The following CARMIL1 variants were observed in gnomAD, a reference collection of about 807,000 sequenced individuals.
CARMIL1 encodes the protein F-actin-uncapping protein LRRC16A.
CARMIL1 carries 90 observed loss-of-function variants against 177.1 expected under a neutral mutation model. That is an observed-to-expected ratio of 0.51 (90% confidence interval 0.43 to 0.61). CARMIL1 has a LOEUF of 0.61. CARMIL1 is among the 20% of genes least tolerant of loss of function. The pLI is 0.00. For missense variants in CARMIL1, 1,380 were observed against 1,667.0 expected, an observed-to-expected ratio of 0.83 and a Z score of 3.00; for synonymous variants, 577 against 606.2, an observed-to-expected ratio of 0.95 and a Z score of 0.71.
intron 2 of CARMIL1, among the ~76,000 whole-genome samples, chr6:25,286,273 T>C (rs1477098727): frequency 6.6e-6 from 1 of 152,252 alleles, no homozygotes; most frequent in African/African-American, 2.4e-5. Context: ...TTCTAAAATA[T>C]CTAACTCCAG....
chr6:25,509,768 G>A lies in CARMIL1; in HGVS notation c.1477+31G>A. 2 of 1,441,742 alleles carry A rather than the reference G, an allele frequency of 1.4e-6. No individual in the cohort carries two copies. The highest frequency in any genetic ancestry group is 1.9e-6 in the Non-Finnish European group (2 of 1,047,302). The allele number at this position is 1,441,742 out of a possible 1,614,324, so 89.3% of individuals were successfully genotyped here. A position where few individuals can be genotyped will look rare whatever the true frequency, so the allele number is the denominator to read the frequency against. ...TCAGATATTGAAAAGAAATGAAACT[G>A]AAATATTTTTTGAAGCAAGTTAATA... On this transcript the variant is annotated intron_variant, in intron 18 of 36. Transcript: ENST00000329474. This position sits in a 1 kb window ranked among gnomAD's most constrained non-coding sequence, Gnocchi z 4.1.
rs76757848 is a variant in CARMIL1, at chr6:25,482,200, T to C, written c.875-57T>C. 2,745 of 832,284 alleles carry C rather than the reference T, an allele frequency of 3.3e-3. 66 individuals are homozygous for C. In the African/African-American group the frequency reaches 0.043, roughly 13 times the overall value. The allele number at this position is 832,284 out of a possible 1,614,324, so 51.6% of individuals were successfully genotyped here. On this transcript the variant is annotated intron_variant, in intron 11 of 36. Coordinates refer to ENST00000329474, the MANE Select transcript of CARMIL1 (RefSeq NM_017640.6). ...AAATTAAGTTAATTTTCATCCATTGTAAAAAATGCAATTCTGAGAACTTGA... is the reference window on the plus strand; with the variant it reads ...AAATTAAGTTAATTTTCATCCATTGCAAAAAATGCAATTCTGAGAACTTGA...
At chr6:25,540,380 T>C (rs1284063050) in intron 26 of CARMIL1, among the ~76,000 whole-genome samples, 1 of 152,206 alleles carries the variant, frequency 6.6e-6, no homozygotes, top group Non-Finnish European at 1.5e-5. Context: ...AAAAATACCT[T>C]CTGTTATTAA....
At chr6:25,377,242 C>A (rs370429460) in intron 2 of CARMIL1, among the ~76,000 whole-genome samples, 2 of 152,176 alleles carry the variant, frequency 1.3e-5, no homozygotes, top group Non-Finnish European at 2.9e-5. Flanking sequence ...TCATGGGCAC[C>A]AGGGCTGACT....
At chr6:25,581,469 C>A (rs1245111408) in intron 31 of CARMIL1, 30 bp downstream of exon 31, 2 of 1,555,750 alleles carry the variant, frequency 1.3e-6, no homozygotes, top group East Asian at 4.6e-5. Flanking sequence ...GGCCCCATCT[C>A]TCCCACACCC....
chr6:25,281,136 G>GCACACACACACACA (rs1554148590), intron 1 of CARMIL1, among the ~76,000 whole-genome samples: 5 of 132,100 alleles, frequency 3.8e-5, no homozygotes, highest in South Asian at 2.7e-4. Context: ...GTGCGCGCGC[G>GCACACACACACACA]CACACACACA....
chr6:25,563,664 A>G (rs541000247), intron 29 of CARMIL1: 1 of 985,204 alleles, frequency 1.0e-6, no homozygotes, highest in Non-Finnish European at 1.2e-6. Context: ...CTTATTGTCC[A>G]TCCATCATAT....
At chr6:25,476,747 C>G (rs1056326491) in intron 11 of CARMIL1, among the ~76,000 whole-genome samples, 1 of 151,954 alleles carries the variant, frequency 6.6e-6, no homozygotes, top group African/African-American at 2.4e-5. Context: ...TTAAGTTATA[C>G]AGGATATAAA....
chr6:25,446,754 C>T (rs1310718605), intron 5 of CARMIL1, among the ~76,000 whole-genome samples: 4 of 152,146 alleles, frequency 2.6e-5, no homozygotes, highest in Admixed American at 6.5e-5. Flanking sequence ...TCTCACTAAG[C>T]TTGTTTCTAG....
intron 20 of CARMIL1, among the ~76,000 whole-genome samples, chr6:25,511,771 T>A (rs1805478790): frequency 6.6e-6 from 1 of 152,142 alleles, no homozygotes; most frequent in Non-Finnish European, 1.5e-5. Context: ...TGCCCCCACT[T>A]CTTTGACAGG....
Position 25,567,950 on chromosome 6 carries a change from C to A in CARMIL1, c.2742+11100C>A, listed in dbSNP as rs184977259. ...TTCCCTAAATGTGCCTCAGAGGAAACCTCTGTCACTACAGGAATTTATATT... is the reference window on the plus strand; with the variant it reads ...TTCCCTAAATGTGCCTCAGAGGAAAACTCTGTCACTACAGGAATTTATATT... On this transcript the variant is annotated intron_variant, in intron 29 of 36. Transcript: ENST00000329474. Among the ~76,000 whole-genome samples the A allele has an allele frequency of 2.2e-3, 333 of 152,314 alleles. 2 individuals carry two copies. Among genetic ancestry groups the A allele is most frequent in the African/African-American group, 6.9e-3 (288 of 41,566 alleles).
intron 24 of CARMIL1, among the ~76,000 whole-genome samples, chr6:25,535,452 GAAGACAGATT>G (rs1409621106): frequency 1.3e-5 from 2 of 152,166 alleles, no homozygotes; most frequent in African/African-American, 2.4e-5. Context: ...AAGGGTGTAA[GAAGACAGATT>G]AAGACTCAAA....
intron 33 of CARMIL1, among the ~76,000 whole-genome samples, chr6:25,602,800 A>G (rs562966265): frequency 6.6e-5 from 10 of 152,340 alleles, no homozygotes; most frequent in African/African-American, 2.2e-4. Flanking sequence ...TCACCCTCCT[A>G]TAAGTAATTC....
chr6:25,475,414 A>G lies in CARMIL1; in HGVS notation c.874+2893A>G, dbSNP rs188685043. Among the ~76,000 whole-genome samples the G allele has an allele frequency of 3.5e-4, 54 of 152,260 alleles. 1 individual carries two copies. Among genetic ancestry groups the G allele is most frequent in the Admixed American group, 1.8e-3 (27 of 15,294 alleles). ...AGACTCCGTCTCAAAAAAAAAAAAAAAAGTTAAACTCAAATCTGCCATATA... is the reference window on the plus strand; with the variant it reads ...AGACTCCGTCTCAAAAAAAAAAAAAGAAGTTAAACTCAAATCTGCCATATA... On this transcript the variant is annotated intron_variant, in intron 11 of 36. Coordinates refer to ENST00000329474, the MANE Select transcript of CARMIL1 (RefSeq NM_017640.6).
At chr6:25,336,193 CCT>C (rs2150304570) in intron 2 of CARMIL1, among the ~76,000 whole-genome samples, 1 of 152,158 alleles carries the variant, frequency 6.6e-6, no homozygotes, top group African/African-American at 2.4e-5. Flanking sequence ...AGCTGTTTCT[CCT>C]CTCCTGTTTG....
At chr6:25,544,696 A>C (rs1253878971) in intron 26 of CARMIL1, among the ~76,000 whole-genome samples, 4 of 152,098 alleles carry the variant, frequency 2.6e-5, no homozygotes, top group Non-Finnish European at 5.9e-5. Flanking sequence ...TATCCAAAAA[A>C]TGTAGTCTGA....
At chr6:25,415,452 C>G (rs1260922287) in intron 2 of CARMIL1, among the ~76,000 whole-genome samples, 1 of 151,098 alleles carries the variant, frequency 6.6e-6, no homozygotes, top group African/African-American at 2.4e-5. Flanking sequence ...TGACTCCCTC[C>G]CTCTTCCTCT....
intron 29 of CARMIL1, among the ~76,000 whole-genome samples, chr6:25,571,458 T>C (rs1331680679): frequency 1.3e-5 from 2 of 152,198 alleles, no homozygotes; most frequent in South Asian, 2.1e-4. Context: ...TAGAAAGTTA[T>C]AATTTTGCAG....
intron 26 of CARMIL1, among the ~76,000 whole-genome samples, 165 bp downstream of exon 26, chr6:25,540,243 T>C (rs372077954): frequency 1.8e-4 from 28 of 152,388 alleles, no homozygotes; most frequent in African/African-American, 5.8e-4. Flanking sequence ...TTATAAGTTT[T>C]GGAAAGACTT....
Sources: allele counts gnomAD v4.1 joint callset (sites outside exome capture counted in the v4.1 genomes callset), GRCh38; gene constraint gnomAD v4.1.1; non-coding constraint Gnocchi (gnomAD v3.1); transcripts MANE v1.5; gene names NCBI Gene and HGNC (gene_info 2026-07-23, HGNC 2026-07-21).